The following UNC13C variants were observed in gnomAD, a reference collection of about 807,000 sequenced individuals.
UNC13C encodes the protein unc-13 homolog C, also known as protein unc-13 homolog C.
A neutral mutation model predicts 245.4 loss-of-function variants in UNC13C; 174 were observed. The observed-to-expected ratio is 0.71, with a 90% CI of 0.63 to 0.80. UNC13C has a LOEUF of 0.80. Ranked by LOEUF, UNC13C falls within the 30% of genes least tolerant of loss-of-function variation. The probability of loss-of-function intolerance (pLI) is 0.00; values close to 1 mark genes in which losing one functional copy is unlikely to be tolerated. For synonymous variants in UNC13C, 992 were observed against 895.1 expected, an observed-to-expected ratio of 1.11 and a Z score of -1.93; for missense variants, 2,829 against 2,602.9, an observed-to-expected ratio of 1.09 and a Z score of -1.89.
At chr15:54,240,889 G>A (rs1444653964) in intron 7 of UNC13C, among the ~76,000 whole-genome samples, 1 of 152,168 alleles carries the variant, frequency 6.6e-6, no homozygotes, top group African/African-American at 2.4e-5. Context: ...GGCAATCAAA[G>A]TATATCCATT....
At chr15:54,625,930 C>T (rs1901111768) in intron 32 of UNC13C, among the ~76,000 whole-genome samples, 1 of 152,150 alleles carries the variant, frequency 6.6e-6, no homozygotes, top group Non-Finnish European at 1.5e-5. Context: ...CTCTTATCCC[C>T]TAGACTTCCA....
At chr15:54,452,697 G>A (rs1257096818) in intron 19 of UNC13C, among the ~76,000 whole-genome samples, 1 of 152,240 alleles carries the variant, frequency 6.6e-6, no homozygotes, top group Non-Finnish European at 1.5e-5. Flanking sequence ...GCATGCTTTT[G>A]TGGAGATGGC....
chr15:54,209,711 G>A (rs1229741720), intron 4 of UNC13C, among the ~76,000 whole-genome samples: 1 of 152,078 alleles, frequency 6.6e-6, no homozygotes, highest in Admixed American at 6.6e-5. Flanking sequence ...ACCACACCAG[G>A]CCTACATTTT....
intron 18 of UNC13C, among the ~76,000 whole-genome samples, chr15:54,405,614 A>C (rs893110736): frequency 3.3e-5 from 5 of 152,144 alleles, no homozygotes; most frequent in Admixed American, 1.3e-4. Flanking sequence ...ACTATTATGG[A>C]AATATTATTT....
At chr15:54,250,168 A>G (rs1036165894) in intron 7 of UNC13C, 57 bp from the exon 8 acceptor site, 2 of 1,523,532 alleles carry the variant, frequency 1.3e-6, no homozygotes, top group Non-Finnish European at 1.8e-6. Context: ...TTTTATTTTG[A>G]AACAATTCAA....
At chr15:54,080,315 C>G (rs1194251212) in intron 2 of UNC13C, among the ~76,000 whole-genome samples, 1 of 151,910 alleles carries the variant, frequency 6.6e-6, no homozygotes, top group African/African-American at 2.4e-5. Context: ...ATTTTGGTAT[C>G]AGGATGATAC....
At chr15:54,229,370 C>T (rs1017518137) in intron 4 of UNC13C, among the ~76,000 whole-genome samples, 1 of 152,120 alleles carries the variant, frequency 6.6e-6, no homozygotes, top group African/African-American at 2.4e-5. Flanking sequence ...TTGGTGGATG[C>T]TTGTTCAATT....
At chr15:54,443,542 G>A (rs1409866906) in intron 19 of UNC13C, among the ~76,000 whole-genome samples, 1 of 151,846 alleles carries the variant, frequency 6.6e-6, no homozygotes, top group Non-Finnish European at 1.5e-5. Context: ...AGCATTTATT[G>A]CTAAAAATTT....
intron 1 of UNC13C, among the ~76,000 whole-genome samples, chr15:53,986,214 T>C (rs1398017347): frequency 2.0e-5 from 3 of 152,104 alleles, no homozygotes; most frequent in Admixed American, 6.6e-5. Context: ...ACAAAAGGTC[T>C]GAGCAAAATA....
At chr15:54,200,605 A>T (rs550511293) in intron 4 of UNC13C, among the ~76,000 whole-genome samples, 8 of 152,214 alleles carry the variant, frequency 5.3e-5, no homozygotes, top group African/African-American at 1.9e-4. Flanking sequence ...GATGGGAATT[A>T]AAAAATTCTT....
chr15:54,097,949 C>T (rs960005094), intron 2 of UNC13C, among the ~76,000 whole-genome samples: 7 of 152,120 alleles, frequency 4.6e-5, no homozygotes, highest in Admixed American at 1.3e-4. Context: ...TTCATGTATG[C>T]GAAATGACTG....
intron 1 of UNC13C, among the ~76,000 whole-genome samples, chr15:53,992,293 C>T (rs1894427026): frequency 6.6e-6 from 1 of 152,040 alleles, no homozygotes; most frequent in Non-Finnish European, 1.5e-5. Context: ...TTGGTGAGGT[C>T]TTACAGCTTC....
intron 19 of UNC13C, among the ~76,000 whole-genome samples, chr15:54,456,594 A>T (rs768874957): frequency 5.5e-4 from 35 of 63,330 alleles, no homozygotes; most frequent in Non-Finnish European, 9.9e-4. Flanking sequence ...TATGTATTTT[A>T]TTTATTTATT....
At chr15:54,153,176 G>A (rs1466497080) in intron 4 of UNC13C, among the ~76,000 whole-genome samples, 1 of 152,064 alleles carries the variant, frequency 6.6e-6, no homozygotes. Context: ...CATATTTTCA[G>A]ATATGACAAA....
intron 2 of UNC13C, among the ~76,000 whole-genome samples, chr15:54,072,945 G>A (rs1025018240): frequency 6.6e-5 from 10 of 151,630 alleles, no homozygotes; most frequent in Non-Finnish European, 8.8e-5. Flanking sequence ...GGTTTGTTAC[G>A]TAGGTATACA....
At chr15:53,892,337 C>A in the UNC13C span, among the ~76,000 whole-genome samples, 2 of 152,134 alleles carry the variant, frequency 1.3e-5, no homozygotes, top group South Asian at 4.1e-4. Flanking sequence ...CTTGGTGAAT[C>A]TGATGATTGT....
chr15:54,086,620 G>A (rs539220412), intron 2 of UNC13C, among the ~76,000 whole-genome samples: 9 of 151,644 alleles, frequency 5.9e-5, no homozygotes, highest in East Asian at 5.8e-4. Flanking sequence ...GTGAAATGGC[G>A]AAAAACAGGA....
chr15:54,480,499 C>T (rs1893047949), intron 19 of UNC13C, among the ~76,000 whole-genome samples: 1 of 149,762 alleles, frequency 6.7e-6, no homozygotes. Context: ...TCTGCTTGAC[C>T]TTCTCTATTG....
intron 2 of UNC13C, chr15:54,050,056 G>A (rs910015073): frequency 2.6e-5 from 8 of 302,768 alleles, no homozygotes; most frequent in Admixed American, 2.1e-4. Context: ...TGCAACCTCC[G>A]CCTCCCAGGT....
Sources: allele counts gnomAD v4.1 joint callset (sites outside exome capture counted in the v4.1 genomes callset), GRCh38; gene constraint gnomAD v4.1.1; transcripts MANE v1.5; gene names NCBI Gene and HGNC (gene_info 2026-07-23, HGNC 2026-07-21).